BRD2: variants seen among roughly 807,000 people sequenced by gnomAD.
BRD2 encodes bromodomain-containing protein 2.
In BRD2, 15 loss-of-function variants were observed where a neutral mutation model predicts 79.1. The observed-to-expected ratio is 0.19, with a 90% CI of 0.13 to 0.29. The LOEUF is 0.29. Among genes scored for constraint, BRD2 ranks in the 10% least tolerant of loss-of-function variants. The pLI is 1.00. For missense variants in BRD2, 1,053 were observed against 991.3 expected (o/e 1.06, Z -0.84); for synonymous variants, 488 against 358.6 (o/e 1.36, Z -4.08).
At chr6:32,970,317 TG>T in intron 1 of BRD2, 1 of 152,464 alleles carries the variant, frequency 6.6e-6, no homozygotes, top group Non-Finnish European at 1.5e-5. Context: ...GATCCCTGGC[TG>T]GGGGAAGGGG....
At chr6:32,974,222 G>C (rs535771001) in intron 2 of BRD2, among the ~76,000 whole-genome samples, 2 of 152,292 alleles carry the variant, frequency 1.3e-5, no homozygotes, top group East Asian at 3.9e-4. Flanking sequence ...AGAACAGATA[G>C]AGCCTATCAG....
chr6:32,970,498 C>A (rs2127497200), intron 1 of BRD2: 1 of 152,584 alleles, frequency 6.6e-6, no homozygotes, highest in Non-Finnish European at 1.5e-5. Context: ...GGACCTAGGC[C>A]CTTACGAGCC....
At position 32,980,711 on chromosome 6, in the gene BRD2, C is replaced by A; in HGVS notation, c.2399C>A (p.Ser800Ter). 2 of 1,612,836 alleles carry A rather than the reference C, an allele frequency of 1.2e-6. No homozygotes were observed. Among genetic ancestry groups the A allele is most frequent in the Non-Finnish European group, 1.7e-6 (2 of 1,180,032 alleles). Residue 800 changes from serine (S) to a stop codon, truncating the protein, a stop_gained, in exon 13 of 13, where the codon TCA becomes TAA. Coordinates refer to ENST00000374825, the MANE Select transcript of BRD2 (RefSeq NM_005104.4). LOFTEE classifies it high-confidence loss of function. ...SSSSDTSDSDSG is the reference protein window; with the variant it reads ...SSSSDTSDSD ...TCTTCAGACACCAGTGATTCAGACT[C>A]AGGCTAAGGGGTCAGGCCAGATGGG...
rs1778129897 is a variant in BRD2, at chr6:32,972,403, C to A, written c.-496C>A. ...GAGCTCCCCTTTTTCGGGCCCCGCC[C>A]AATCCTCGGAGTCTGTCCACCCCCT... On this transcript the variant is annotated 5_prime_UTR_variant, in exon 2 of 13. Coordinates refer to ENST00000374825, the MANE Select transcript of BRD2 (RefSeq NM_005104.4). The A allele has an allele frequency of 6.8e-6, 2 of 294,434 alleles. No individual in the cohort carries two copies. The allele number at this position is 294,434 out of a possible 1,614,324, so 18.2% of individuals were successfully genotyped here.
chr6:32,974,934 G>C (rs573856627), intron 3 of BRD2, 169 bp downstream of exon 3: 1 of 1,405,252 alleles, frequency 7.1e-7, no homozygotes. Context: ...TGATTGATCC[G>C]ACCGCTTGCT....
In BRD2 at chr6:32,976,234, T is replaced by C. The variant is rs770308659; in HGVS notation, c.611-16T>C. On this transcript the variant is annotated splice_polypyrimidine_tract_variant and intron_variant, in intron 5 of 12. Transcript: ENST00000374825. ...TGGGGAAGAGAATCAAACTACACTT[T>C]TTTCCTTTTTTCTAGCGCTCCAGGG... is the stretch of plus-strand genomic sequence containing the variant. 3.7e-5 allele frequency: 60 copies of C among 1,611,116 alleles called. No homozygotes were observed. Among genetic ancestry groups the C allele is most frequent in the African/African-American group, 1.1e-4 (8 of 74,870 alleles).
At chr6:32,979,545 A>G (rs1000936381) in intron 10 of BRD2, 1 of 446,070 alleles carries the variant, frequency 2.2e-6, no homozygotes, top group Non-Finnish European at 4.0e-6. Flanking sequence ...GTCTTTCAAC[A>G]GTTTTTCCAA....
chr6:32,976,031 C>G lies in BRD2; in HGVS notation c.472C>G (p.Pro158Ala), dbSNP rs777600975. 28 of 1,599,070 alleles carry G rather than the reference C, an allele frequency of 1.8e-5. No homozygotes were observed. In the African/African-American group the frequency reaches 3.0e-4, roughly 17 times the overall value. Residue 158 changes from proline to alanine, a missense_variant and splice_region_variant, in exon 5 of 13, where the codon CCC (proline) becomes GCC (alanine). By Grantham distance (27) the Pro-to-Ala change is conservative. Around this residue, in one of 5 missense-constraint regions of BRD2, gnomAD observed 413 missense variants for 335.1 expected, o/e 1.23. Transcript: ENST00000374825. ...TTTATTGCTGTCTGTGTTCTCATAGCCCACTGATGATATTGTCCTAATGGC... is the reference window on the plus strand; with the variant it reads ...TTTATTGCTGTCTGTGTTCTCATAGGCCACTGATGATATTGTCCTAATGGC... The part of the protein sequence containing the change: ...MFTNCYIYNK[P>A]TDDIVLMAQT...
chr6:32,980,730 A>G lies in BRD2; in HGVS notation c.*12A>G. On this transcript the variant is annotated 3_prime_UTR_variant, in exon 13 of 13. Transcript: ENST00000374825. ...CAGACTCAGGCTAAGGGGTCAGGCC[A>G]GATGGGGCAGGAAGGCTCCGCAGGA... 1 of 1,612,284 alleles carries G rather than the reference A, an allele frequency of 6.2e-7. No individual in the cohort carries two copies.
intron 10 of BRD2, 154 bp from the exon 11 acceptor site, chr6:32,979,672 TAC>T (rs1259511846): frequency 8.7e-6 from 7 of 803,518 alleles, no homozygotes; most frequent in Admixed American, 5.9e-5. Flanking sequence ...TGTTTCACTA[TAC>T]AGTGTCCCAG....
chr6:32,973,079 G>GT, intron 2 of BRD2, 152 bp downstream of exon 2: 1 of 1,580,572 alleles, frequency 6.3e-7, no homozygotes, highest in East Asian at 2.3e-5. Flanking sequence ...TTGAGCGACG[G>GT]TTTTGGAACG....
Position 32,972,828 on chromosome 6 carries a change from G to A in BRD2, c.-71G>A, listed in dbSNP as rs917820303. ...CCAACTTAGCGGGTTATGCTGGACC[G>A]GGCGGTGAGGGGAACCGAGGCCACC... On this transcript the variant is annotated 5_prime_UTR_variant, in exon 2 of 13. Transcript: ENST00000374825. The A allele has an allele frequency of 6.2e-7, 1 of 1,610,100 alleles. No homozygotes were observed. The highest frequency in any genetic ancestry group is 1.3e-5 in the African/African-American group (1 of 75,030).
chr6:32,975,228 TC>T, intron 3 of BRD2, 155 bp from the exon 4 acceptor site: 3 of 1,224,340 alleles, frequency 2.5e-6, no homozygotes, highest in South Asian at 2.9e-5. Flanking sequence ...ATTTATTTTG[TC>T]CCACAGTTTA....
intron 1 of BRD2, chr6:32,970,650 T>G (rs1390204874): frequency 6.6e-6 from 1 of 151,662 alleles, no homozygotes; most frequent in Non-Finnish European, 1.5e-5. Context: ...AAGCCCAGGT[T>G]TTCTCGGGTG....
In BRD2 at chr6:32,972,836, A is replaced by AG; in HGVS notation, c.-59dup. The AG allele has an allele frequency of 6.2e-7, 1 of 1,612,378 alleles. No homozygotes were observed. The highest frequency in any genetic ancestry group is 8.5e-7 in the Non-Finnish European group (1 of 1,179,374). ...GCGGGTTATGCTGGACCGGGCGGTG[A>AG]GGGGAACCGAGGCCACCCGGACTTT... On this transcript the variant is annotated 5_prime_UTR_variant, in exon 2 of 13. The change abolishes the stop of an existing upstream ORF in the 5' untranslated region. Coordinates refer to ENST00000374825, the MANE Select transcript of BRD2 (RefSeq NM_005104.4).
intron 7 of BRD2, chr6:32,977,167 A>T: frequency 7.4e-7 from 1 of 1,350,030 alleles, no homozygotes; most frequent in Non-Finnish European, 1.0e-6. Flanking sequence ...ATAATTAAGT[A>T]CTAATGTGGC....
chr6:32,973,190 C>T lies in BRD2; in HGVS notation c.29+263C>T, dbSNP rs190465055. 5 of 1,525,024 alleles carry T rather than the reference C, an allele frequency of 3.3e-6. No individual in the cohort carries two copies. In the African/African-American group the frequency reaches 4.1e-5, roughly 13 times the overall value. The allele number at this position is 1,525,024 out of a possible 1,614,324, so 94.5% of individuals were successfully genotyped here. A position where few individuals can be genotyped will look rare whatever the true frequency, so the allele number is the denominator to read the frequency against. On this transcript the variant is annotated intron_variant, in intron 2 of 12. Coordinates refer to ENST00000374825, the MANE Select transcript of BRD2 (RefSeq NM_005104.4). ...CCAGTCTTAACCGAGTCAGGCAGAG[C>T]TAGTTTGACGGTGGAGTGGAGTGAG...
intron 11 of BRD2, 56 bp from the exon 12 acceptor site, chr6:32,980,286 C>G: frequency 6.2e-7 from 1 of 1,603,580 alleles, no homozygotes; most frequent in Non-Finnish European, 8.5e-7. Context: ...CCTTAGGGGC[C>G]CATAATAAGA....
chr6:32,980,536 G>A (rs1432544239), intron 12 of BRD2, 46 bp from the exon 13 acceptor site: 6 of 1,612,368 alleles, frequency 3.7e-6, no homozygotes, highest in East Asian at 2.2e-5. Context: ...ATTGACAAAT[G>A]AAGATTCAGA....
Sources: allele counts gnomAD v4.1 joint callset (sites outside exome capture counted in the v4.1 genomes callset), GRCh38; gene constraint gnomAD v4.1.1; regional missense constraint gnomAD v4.1.1; transcripts MANE v1.5; gene names NCBI Gene and HGNC (gene_info 2026-07-23, HGNC 2026-07-21).